MTO1: variants seen among roughly 807,000 people sequenced by gnomAD.
MTO1 encodes the protein 5-taurinomethyluridine-[tRNA] synthase subunit MTO1, mitochondrial.
Under a neutral mutation model 71.6 loss-of-function variants are expected in MTO1, and 46 were observed. That is an observed-to-expected ratio of 0.64 (90% confidence interval 0.51 to 0.82). The LOEUF is 0.82. MTO1 is among the 40% of genes least tolerant of loss of function. MTO1 has a pLI of 0.00. For synonymous variants in MTO1, 297 were observed against 312.1 expected (o/e 0.95, Z 0.51); for missense variants, 773 against 867.5 (o/e 0.89, Z 1.37).
intron 9 of MTO1, among the ~76,000 whole-genome samples, chr6:73,484,934 C>G (rs185420757): frequency 6.6e-6 from 1 of 151,640 alleles, no homozygotes; most frequent in African/African-American, 2.4e-5. Flanking sequence ...GTAATCCCAG[C>G]TATTCAAGAG....
intron 4 of MTO1, among the ~76,000 whole-genome samples, chr6:73,473,977 G>A (rs1028917731): frequency 2.0e-5 from 3 of 151,732 alleles, no homozygotes; most frequent in African/African-American, 7.3e-5. Context: ...TGAGAAATGG[G>A]GTTTCACTAT....
chr6:73,491,839 G>T (rs1043212895), intron 9 of MTO1, among the ~76,000 whole-genome samples: 1 of 152,148 alleles, frequency 6.6e-6, no homozygotes, highest in Non-Finnish European at 1.5e-5. Context: ...TTTTGGGGCC[G>T]GGCGCAGTGG....
At chr6:73,474,211 G>GCCTCCC (rs1400960901) in intron 4 of MTO1, among the ~76,000 whole-genome samples, 1 of 151,494 alleles carries the variant, frequency 6.6e-6, no homozygotes, top group African/African-American at 2.4e-5. Context: ...TTCTGCCTCA[G>GCCTCCC]CCTCCCGAGT....
intron 3 of MTO1, among the ~76,000 whole-genome samples, chr6:73,469,117 A>G (rs1582673221): frequency 1.3e-5 from 2 of 152,078 alleles, no homozygotes; most frequent in African/African-American, 4.8e-5. Context: ...TGATCCTTCC[A>G]CCTCAACCTC....
In MTO1 at chr6:73,500,636, T is replaced by C; in HGVS notation, c.1980T>C (p.Phe660=). Residue 660 remains phenylalanine (F), a synonymous_variant, in exon 12 of 12, where the codon TTT becomes TTC. Transcript: ENST00000498286. ...TPAAIINLLR[F]VKTTQRRQSA... ...CCGCCATCATCAATCTGCTGAGATT[T>C]GTGAAGACCACTCAACGAAGACAGT... The C allele has an allele frequency of 6.2e-7, 1 of 1,613,980 alleles. No individual in the cohort carries two copies. The highest frequency in any genetic ancestry group is 8.5e-7 in the Non-Finnish European group (1 of 1,179,936).
At chr6:73,479,268 G>T (rs1401820951) in intron 4 of MTO1, among the ~76,000 whole-genome samples, 1 of 151,966 alleles carries the variant, frequency 6.6e-6, no homozygotes, top group Admixed American at 6.6e-5. Context: ...GCTGAGGCAG[G>T]TGGATCGCCT....
chr6:73,491,473 G>A (rs1298050188), intron 9 of MTO1, among the ~76,000 whole-genome samples: 1 of 151,890 alleles, frequency 6.6e-6, no homozygotes. Flanking sequence ...GTTTTGCAGA[G>A]ACTTAAAACA....
Position 73,504,779 on chromosome 6 carries a change from T to TG in MTO1, c.*4049dup, listed in dbSNP as rs1225163806. On this transcript the variant is annotated 3_prime_UTR_variant, in exon 12 of 12. Coordinates refer to ENST00000498286, the MANE Select transcript of MTO1 (RefSeq NM_012123.4). ...GCACGTACCTGTTGTTCCAGCAACTTGGGGGCTGAGGCAGGAGAATCACTT... is the reference window on the plus strand; with the variant it reads ...GCACGTACCTGTTGTTCCAGCAACTTGGGGGGCTGAGGCAGGAGAATCACTT... 1 of 151,942 alleles carries TG rather than the reference T, an allele frequency of 6.6e-6. No homozygotes were observed. Among genetic ancestry groups the TG allele is most frequent in the Non-Finnish European group, 1.5e-5 (1 of 68,032 alleles). 9.4% of individuals were successfully genotyped at this position (151,942 alleles called of 1,614,324 possible). A position where few individuals can be genotyped will look rare whatever the true frequency, so the allele number is the denominator to read the frequency against.
At chr6:73,500,315 C>G (rs1443573631) in intron 11 of MTO1, among the ~76,000 whole-genome samples, 11 of 152,282 alleles carry the variant, frequency 7.2e-5, no homozygotes, top group African/African-American at 2.6e-4. Context: ...AGTAGATACT[C>G]TAACATCTAT....
At chr6:73,476,499 TAA>T (rs1771327209) in intron 4 of MTO1, among the ~76,000 whole-genome samples, 1 of 152,034 alleles carries the variant, frequency 6.6e-6, no homozygotes, top group Admixed American at 6.6e-5. Context: ...TTTCTCAATG[TAA>T]GAGTTTTTTC....
chr6:73,461,811 G>T lies in MTO1; in HGVS notation c.-44G>T. The T allele has an allele frequency of 6.3e-7, 1 of 1,584,026 alleles. No individual in the cohort carries two copies. ...TCTTGTTGCGTAAGTTTTTTTGACC[G>T]TCACTCGTGTCAGCTTCAAAGTCAG... On this transcript the variant is annotated 5_prime_UTR_variant, in exon 1 of 12. Coordinates refer to ENST00000498286, the MANE Select transcript of MTO1 (RefSeq NM_012123.4).
intron 9 of MTO1, among the ~76,000 whole-genome samples, chr6:73,490,723 T>TA (rs11441991): frequency 0.22 from 32,013 of 143,758 alleles, 3,474 homozygotes; most frequent in Middle Eastern, 0.28. Flanking sequence ...TTTCTATTTC[T>TA]AAAAAAAAAA....
chr6:73,473,013 C>T (rs757689691), intron 3 of MTO1, among the ~76,000 whole-genome samples: 5 of 152,302 alleles, frequency 3.3e-5, no homozygotes, highest in Middle Eastern at 3.4e-3. Flanking sequence ...CGGTGGCTCA[C>T]GCCTGTAAGT....
chr6:73,488,788 CAT>C (rs2150040750), intron 9 of MTO1, among the ~76,000 whole-genome samples: 1 of 152,080 alleles, frequency 6.6e-6, no homozygotes, highest in African/African-American at 2.4e-5. Context: ...CATGGTGGCA[CAT>C]GTCTGTAGTC....
chr6:73,488,919 A>AAACAAC (rs574365970), intron 9 of MTO1, among the ~76,000 whole-genome samples: 30 of 152,188 alleles, frequency 2.0e-4, no homozygotes, highest in Admixed American at 6.6e-4. Flanking sequence ...TCCGTCTAAA[A>AAACAAC]AACAACAACA....
chr6:73,492,422 T>C, intron 10 of MTO1, 70 bp downstream of exon 10: 1 of 1,071,068 alleles, frequency 9.3e-7, no homozygotes, highest in East Asian at 2.4e-5. Context: ...ACAGATCCAT[T>C]ATTACTGTTG....
At chr6:73,475,512 C>CTTTTTTTTT (rs111808691) in intron 4 of MTO1, among the ~76,000 whole-genome samples, 1 of 139,324 alleles carries the variant, frequency 7.2e-6, no homozygotes. Flanking sequence ...GTCTTGAACT[C>CTTTTTTTTT]TTTTTTTTTT....
At chr6:73,486,742 AAAAAG>A (rs1443747534) in intron 9 of MTO1, 3 of 257,888 alleles carry the variant, frequency 1.2e-5, no homozygotes, top group African/African-American at 2.3e-5. Flanking sequence ...TCTCTCAAAA[AAAAAG>A]AAAAGACTCA....
chr6:73,469,878 G>A (rs558073946), intron 3 of MTO1, among the ~76,000 whole-genome samples: 38 of 151,970 alleles, frequency 2.5e-4, no homozygotes, highest in Non-Finnish European at 5.0e-4. Context: ...GGTGGCACAT[G>A]CCTGTAATCC....
Sources: allele counts gnomAD v4.1 joint callset (sites outside exome capture counted in the v4.1 genomes callset), GRCh38; gene constraint gnomAD v4.1.1; transcripts MANE v1.5; gene names NCBI Gene and HGNC (gene_info 2026-07-23, HGNC 2026-07-21).